The following MRTFA variants were observed in gnomAD, a reference collection of about 807,000 sequenced individuals.
The protein encoded by MRTFA is myocardin related transcription factor A.
MRTFA carries 20 observed loss-of-function variants against 83.5 expected under a neutral mutation model. That is an observed-to-expected ratio of 0.24 (90% CI 0.17 to 0.35). The LOEUF (loss-of-function observed/expected upper bound fraction) is 0.35, where lower values mean the gene tolerates loss of function less well. Ranked by LOEUF, MRTFA falls within the 10% of genes least tolerant of loss-of-function variation. The probability of loss-of-function intolerance (pLI) is 1.00; values close to 1 mark genes in which losing one functional copy is unlikely to be tolerated. For missense variants in MRTFA, 1,200 were observed against 1,224.7 expected (o/e 0.98, Z 0.30); for synonymous variants, 659 against 541.2 (o/e 1.22, Z -3.02).
chr22:40,619,665 G>A (rs982832227), intron 1 of MRTFA, among the ~76,000 whole-genome samples: 6 of 151,886 alleles, frequency 4.0e-5, no homozygotes, highest in African/African-American at 9.7e-5. Flanking sequence ...CGAGACGGGC[G>A]GATCACGAGG....
chr22:40,507,103 G>A (rs1188390776), intron 3 of MRTFA, among the ~76,000 whole-genome samples: 1 of 152,170 alleles, frequency 6.6e-6, no homozygotes, highest in Non-Finnish European at 1.5e-5. Flanking sequence ...GTTCAAACGT[G>A]TAAAACCAGC....
chr22:40,481,181 A>G (rs2054084741), intron 3 of MRTFA, among the ~76,000 whole-genome samples: 1 of 152,120 alleles, frequency 6.6e-6, no homozygotes, highest in Admixed American at 6.5e-5. Context: ...GAAGTCTAAA[A>G]GGATGTAAGA....
chr22:40,499,627 C>T (rs2054421639), intron 3 of MRTFA, among the ~76,000 whole-genome samples: 1 of 152,132 alleles, frequency 6.6e-6, no homozygotes, highest in Admixed American at 6.5e-5. Flanking sequence ...TTTAAAACTC[C>T]TTCCTCCCTA....
chr22:40,415,844 C>G (rs1429631229), intron 14 of MRTFA, among the ~76,000 whole-genome samples: 1 of 152,084 alleles, frequency 6.6e-6, no homozygotes, highest in East Asian at 1.9e-4. Flanking sequence ...CCTCGGTCCT[C>G]AGCTCCCTTG....
chr22:40,614,748 A>G (rs528753900), intron 1 of MRTFA, among the ~76,000 whole-genome samples: 1 of 152,300 alleles, frequency 6.6e-6, no homozygotes, highest in South Asian at 2.1e-4. Flanking sequence ...CGGCCTCCCA[A>G]AGTGCTGGGA....
At chr22:40,413,137 CAAA>C (rs35119560) in intron 14 of MRTFA, among the ~76,000 whole-genome samples, 12 of 28,144 alleles carry the variant, frequency 4.3e-4, no homozygotes, top group East Asian at 1.1e-3. Context: ...CACCCTGTCT[CAAA>C]AAAAAAAAAA....
chr22:40,450,194 T>C (rs1455070260), intron 4 of MRTFA, among the ~76,000 whole-genome samples: 1 of 152,210 alleles, frequency 6.6e-6, no homozygotes, highest in Admixed American at 6.5e-5. Flanking sequence ...TATGTGAATT[T>C]TAGGTGCTTG....
At chr22:40,538,991 T>C (rs984510232) in intron 3 of MRTFA, among the ~76,000 whole-genome samples, 1 of 79,534 alleles carries the variant, frequency 1.3e-5, no homozygotes, top group African/African-American at 5.0e-5. Context: ...CAGCCTTTTG[T>C]TTTTTTTTTT....
chr22:40,555,108 A>G (rs1477541621), intron 2 of MRTFA, among the ~76,000 whole-genome samples: 1 of 152,256 alleles, frequency 6.6e-6, no homozygotes, highest in Non-Finnish European at 1.5e-5. Context: ...ACAGGCTCAT[A>G]GGTGGAAGGA....
chr22:40,472,309 T>C (rs552793765), intron 3 of MRTFA, among the ~76,000 whole-genome samples: 77 of 152,382 alleles, frequency 5.1e-4, no homozygotes, highest in Admixed American at 8.5e-4. Flanking sequence ...GCTTACTTTA[T>C]ATGGAGAAAT....
At chr22:40,618,746 T>C (rs1272863853) in intron 1 of MRTFA, among the ~76,000 whole-genome samples, 1 of 151,968 alleles carries the variant, frequency 6.6e-6, no homozygotes, top group Non-Finnish European at 1.5e-5. Context: ...GGCAGATCAC[T>C]TGAGGTCAGG....
chr22:40,424,441 CAGG>C, intron 7 of MRTFA, 60 bp from the exon 8 acceptor site: 1 of 1,571,064 alleles, frequency 6.4e-7, no homozygotes, highest in Non-Finnish European at 8.7e-7. Flanking sequence ...TGAGCAGGGA[CAGG>C]CCTGGCTCGC....
At chr22:40,420,716 C>T (rs1395733363) in intron 10 of MRTFA, 131 bp downstream of exon 10, 10 of 1,533,794 alleles carry the variant, frequency 6.5e-6, no homozygotes, top group African/African-American at 1.4e-5. Flanking sequence ...GCCCTGCCTG[C>T]AGACCACTCT....
intron 1 of MRTFA, among the ~76,000 whole-genome samples, chr22:40,617,193 G>GGAGA (rs2056461325): frequency 8.8e-6 from 1 of 113,636 alleles, no homozygotes; most frequent in Non-Finnish European, 1.8e-5. Flanking sequence ...AAGGAGGGAG[G>GGAGA]GAGGGAGGGA....
chr22:40,619,991 A>C (rs2056501786), intron 1 of MRTFA, among the ~76,000 whole-genome samples: 1 of 151,168 alleles, frequency 6.6e-6, no homozygotes. Context: ...ACAGAGTCTC[A>C]CTGTCTCCCA....
intron 2 of MRTFA, among the ~76,000 whole-genome samples, chr22:40,552,671 C>T (rs544984715): frequency 6.6e-6 from 1 of 152,324 alleles, no homozygotes; most frequent in South Asian, 2.1e-4. Flanking sequence ...GTTCCTGAGG[C>T]CTCCCCAGCC....
chr22:40,513,530 G>A (rs6001951), intron 3 of MRTFA, among the ~76,000 whole-genome samples: 214 of 150,786 alleles, frequency 1.4e-3, no homozygotes, highest in African/African-American at 5.1e-3. Flanking sequence ...AAACCCAGGA[G>A]GCAGAGGTTG....
chr22:40,609,789 C>T (rs2056364548), intron 1 of MRTFA, among the ~76,000 whole-genome samples: 1 of 152,034 alleles, frequency 6.6e-6, no homozygotes, highest in Non-Finnish European at 1.5e-5. Flanking sequence ...CGAGACTGCG[C>T]CACTGCACTC....
At chr22:40,572,661 G>A (rs545962517) in intron 2 of MRTFA, among the ~76,000 whole-genome samples, 3 of 152,224 alleles carry the variant, frequency 2.0e-5, no homozygotes, top group African/African-American at 4.8e-5. Flanking sequence ...GAGGTTTAAC[G>A]GACTTACAGT....
Sources: allele counts gnomAD v4.1 joint callset (sites outside exome capture counted in the v4.1 genomes callset), GRCh38; gene constraint gnomAD v4.1.1; transcripts MANE v1.5; gene names NCBI Gene and HGNC (gene_info 2026-07-23, HGNC 2026-07-21).